Variants in ANK2 observed in about 807,000 individuals in gnomAD.
The protein encoded by ANK2 is ankyrin-2.
In ANK2, 83 loss-of-function variants were observed where a neutral mutation model predicts 360.5. That is an observed-to-expected ratio of 0.23 (90% CI 0.19 to 0.28). ANK2 has a LOEUF of 0.28. ANK2 is among the 10% of genes least tolerant of loss of function. The pLI is 1.00. For synonymous variants in ANK2, 1,740 were observed against 1,759.5 expected (o/e 0.99, Z 0.28); for missense variants, 4,201 against 4,795.7 (o/e 0.88, Z 3.66).
At chr4:112,876,672 T>C (rs1400745271) in intron 1 of ANK2, among the ~76,000 whole-genome samples, 1 of 152,216 alleles carries the variant, frequency 6.6e-6, no homozygotes, top group Non-Finnish European at 1.5e-5. Context: ...TTTCCCTGAT[T>C]CTTACTGTTT....
Position 112,890,731 on chromosome 4 carries a change from C to G in ANK2, c.-39-13724C>G, listed in dbSNP as rs189370402. On this transcript the variant is annotated intron_variant, in intron 1 of 30. Coordinates refer to the ANK2 transcript ENST00000503271. ...TACAGGCATGTGCCACCATGCCAGGCTAATTTTGTATTTTTAGTAGAGACA... is the reference window on the plus strand; with the variant it reads ...TACAGGCATGTGCCACCATGCCAGGGTAATTTTGTATTTTTAGTAGAGACA... Among the ~76,000 whole-genome samples the G allele has an allele frequency of 1.1e-3, 164 of 151,998 alleles. 1 individual carries two copies. Among genetic ancestry groups the G allele is most frequent in the African/African-American group, 3.9e-3 (160 of 41,496 alleles).
At chr4:113,198,986 T>C in intron 3 of ANK2, 25 bp from the exon 4 acceptor site, 1 of 1,578,610 alleles carries the variant, frequency 6.3e-7, no homozygotes, top group South Asian at 1.1e-5. Flanking sequence ...CCTTGAACAT[T>C]TTCTATTTTG....
intron 4 of ANK2, among the ~76,000 whole-genome samples, chr4:113,224,660 A>T (rs535099083): frequency 6.6e-6 from 1 of 152,354 alleles, no homozygotes; most frequent in African/African-American, 2.4e-5. Context: ...AACAAATAAA[A>T]TGAGTAGTTT....
the ANK2 span, among the ~76,000 whole-genome samples, chr4:112,740,035 T>A: frequency 6.6e-6 from 1 of 151,982 alleles, no homozygotes; most frequent in African/African-American, 2.4e-5. Context: ...GTTAAAAATC[T>A]TTGTTGCAGG....
chr4:112,866,826 G>T (rs909144374), intron 1 of ANK2, among the ~76,000 whole-genome samples: 9 of 151,730 alleles, frequency 5.9e-5, no homozygotes, highest in Non-Finnish European at 1.2e-4. Context: ...TCATAATTCC[G>T]CATTGTCTAC....
chr4:112,889,432 A>G (rs2079321538), intron 1 of ANK2, among the ~76,000 whole-genome samples: 1 of 152,168 alleles, frequency 6.6e-6, no homozygotes, highest in Non-Finnish European at 1.5e-5. Flanking sequence ...TCTGACTACA[A>G]GCTAGCTCAT....
intron 1 of ANK2, among the ~76,000 whole-genome samples, chr4:113,123,232 A>G (rs1050579799): frequency 1.3e-5 from 2 of 151,992 alleles, no homozygotes; most frequent in African/African-American, 4.8e-5. Context: ...TTCTTTCGTT[A>G]CCTTTATTAT....
intron 1 of ANK2, among the ~76,000 whole-genome samples, chr4:112,874,507 T>C (rs1361815196): frequency 6.6e-6 from 1 of 150,844 alleles, no homozygotes; most frequent in Non-Finnish European, 1.5e-5. Context: ...CTGGGTGTGC[T>C]GGCAGGCGCC....
chr4:112,749,990 C>T, the ANK2 span, among the ~76,000 whole-genome samples: 2 of 152,142 alleles, frequency 1.3e-5, no homozygotes, highest in South Asian at 4.1e-4. Context: ...GTGATCCGCC[C>T]TCCTTGGCCT....
intron 2 of ANK2, among the ~76,000 whole-genome samples, chr4:112,991,793 A>G (rs2046930506): frequency 6.6e-6 from 1 of 151,600 alleles, no homozygotes; most frequent in Non-Finnish European, 1.5e-5. Context: ...CAATTCCCTC[A>G]GATTCATCAC....
At chr4:112,812,852 C>T in the ANK2 span, among the ~76,000 whole-genome samples, 1 of 152,142 alleles carries the variant, frequency 6.6e-6, no homozygotes, top group Admixed American at 6.5e-5. Flanking sequence ...ATGTGCTAAG[C>T]TCATCTTATA....
chr4:112,997,547 T>C (rs1354679), intron 2 of ANK2, among the ~76,000 whole-genome samples: 59,835 of 151,896 alleles, frequency 0.39, 13,496 homozygotes, highest in African/African-American at 0.62. Flanking sequence ...TTTTACTCCT[T>C]GTAGCTCATT....
the ANK2 span, among the ~76,000 whole-genome samples, chr4:112,781,969 A>G: frequency 6.6e-6 from 1 of 151,796 alleles, no homozygotes; most frequent in Non-Finnish European, 1.5e-5. Flanking sequence ...AGCTGGGACA[A>G]CAGTTGCATA....
chr4:113,115,318 GA>G (rs2094652938), intron 1 of ANK2, among the ~76,000 whole-genome samples: 1 of 152,176 alleles, frequency 6.6e-6, no homozygotes, highest in Non-Finnish European at 1.5e-5. Context: ...TAATGAAGCT[GA>G]TTTGTTTTTA....
intron 24 of ANK2, among the ~76,000 whole-genome samples, chr4:113,313,059 G>A (rs958868964): frequency 1.3e-5 from 2 of 152,152 alleles, no homozygotes; most frequent in Non-Finnish European, 2.9e-5. Context: ...AGGTGAGGAA[G>A]GGGAAGGAGA....
At chr4:112,738,476 T>G in the ANK2 span, among the ~76,000 whole-genome samples, 1 of 150,898 alleles carries the variant, frequency 6.6e-6, no homozygotes, top group Non-Finnish European at 1.5e-5. Flanking sequence ...CATCAGGTAA[T>G]TAAGCAAGTG....
In ANK2 at chr4:113,354,074, C is replaced by G. The variant is rs753589550; in HGVS notation, c.5456C>G (p.Ala1819Gly). The G allele has an allele frequency of 6.2e-7, 1 of 1,614,038 alleles. No individual in the cohort carries two copies. The highest frequency in any genetic ancestry group is 8.5e-7 in the Non-Finnish European group (1 of 1,179,986). ...CCCTCTCTGAAGTCAGAGAGACATG[C>G]GCCAGGGTCTCCCTCCCCTAAAACA... is the stretch of plus-strand genomic sequence containing the variant. ...ASPSLKSERH[A>G]PGSPSPKTER... Residue 1819 changes from alanine (A) to glycine (G), a missense_variant, in exon 38 of 46, where the codon GCG (alanine) becomes GGG (glycine). By Grantham distance (60) the Ala-to-Gly change is moderately conservative. This residue lies in a region of ANK2 where 2,642 missense variants were observed against 2,714.5 expected (regional missense o/e 0.97). Coordinates refer to ENST00000357077, the MANE Select transcript of ANK2 (RefSeq NM_001148.6).
In ANK2 at chr4:113,278,548, C is replaced by G. The variant is rs2061084360; in HGVS notation, c.1871C>G (p.Ala624Gly). The change falls in exon 17 of 46, where the codon GCC (alanine) becomes GGC (glycine). Residue 624 changes from alanine to glycine, a missense_variant. By Grantham distance (60) the Ala-to-Gly change is moderately conservative (BLOSUM62 0). Around this residue, in one of 4 missense-constraint regions of ANK2, gnomAD observed 1,268 missense variants for 1,650.8 expected, o/e 0.77. Transcript: ENST00000357077. Reference sequence around the variant, plus strand: ...CTGGAGAAGGGTGCTTCCCCTCATGCCACTGCCAAGGTGAGGACCACAGAA... The same window carrying G: ...CTGGAGAAGGGTGCTTCCCCTCATGGCACTGCCAAGGTGAGGACCACAGAA... ...LLLEKGASPH[A>G]TAKNGYTPLH... 1 of 1,613,840 alleles carries G rather than the reference C, an allele frequency of 6.2e-7. No individual in the cohort carries two copies. The highest frequency in any genetic ancestry group is 1.1e-5 in the South Asian group (1 of 91,076).
intron 40 of ANK2, 37 bp from the exon 41 acceptor site, chr4:113,365,002 C>G (rs753553057): frequency 4.3e-6 from 7 of 1,612,736 alleles, no homozygotes; most frequent in Non-Finnish European, 5.1e-6. Context: ...AAGAGTACCT[C>G]TCAGACATAA....
Sources: gnomAD v4.1 joint callset for allele counts (sites outside exome capture counted in the v4.1 genomes callset) on GRCh38, gnomAD v4.1.1 for gene constraint, gnomAD v4.1.1 regional missense constraint, MANE v1.5 for transcripts, NCBI Gene and HGNC (gene_info 2026-07-23, HGNC 2026-07-21) for gene names.